Variants in RALGAPA1 observed in about 807,000 individuals in gnomAD.
RALGAPA1 encodes the protein ral GTPase-activating protein subunit alpha-1.
A neutral mutation model predicts 269.6 loss-of-function variants in RALGAPA1; 52 were observed. That is an observed-to-expected ratio of 0.19 (90% CI 0.15 to 0.24). The LOEUF (loss-of-function observed/expected upper bound fraction) is 0.24, where lower values mean the gene tolerates loss of function less well. Among genes scored for constraint, RALGAPA1 ranks in the 10% least tolerant of loss-of-function variants. The pLI is 1.00. For missense variants in RALGAPA1, 1,917 were observed against 3,013.9 expected (o/e 0.64, Z 8.52); for synonymous variants, 817 against 1,008.3 (o/e 0.81, Z 3.60).
chr14:35,651,775 A>G (rs761300866), intron 31 of RALGAPA1, 30 bp downstream of exon 31: 2 of 1,566,140 alleles, frequency 1.3e-6, no homozygotes, highest in African/African-American at 1.4e-5. Context: ...AAATAACCAC[A>G]TACTAATCAT....
intron 16 of RALGAPA1, among the ~76,000 whole-genome samples, chr14:35,710,261 A>G (rs1356421475): frequency 1.3e-5 from 2 of 152,074 alleles, no homozygotes; most frequent in African/African-American, 4.8e-5. Flanking sequence ...TGGAGAATTA[A>G]TCATCTTTTT....
At position 35,723,374 on chromosome 14, in the gene RALGAPA1, C is replaced by T. The variant is rs533862854; in HGVS notation, c.1867-110G>A. On this transcript the variant is annotated intron_variant, in intron 14 of 41. Coordinates refer to ENST00000680220, the MANE Select transcript of RALGAPA1 (RefSeq NM_001346249.2). ...CTTAAAAACAAGCAACATTTAAAAT[C>T]GCATGCTTTTTTTAATAGATAATAC... The T allele has an allele frequency of 2.3e-4, 138 of 596,900 alleles. 2 individuals are homozygous for T. The South Asian group carries it at 3.3e-3, about 14-fold the overall frequency. 37.0% of individuals were successfully genotyped at this position (596,900 alleles called of 1,614,324 possible). A position where few individuals can be genotyped will look rare whatever the true frequency, so the allele number is the denominator to read the frequency against.
intron 35 of RALGAPA1, among the ~76,000 whole-genome samples, chr14:35,619,178 AC>A (rs1389462709): frequency 6.6e-6 from 1 of 152,154 alleles, no homozygotes; most frequent in East Asian, 1.9e-4. Context: ...GACAAATCTA[AC>A]CAGAAGACTG....
intron 13 of RALGAPA1, among the ~76,000 whole-genome samples, chr14:35,727,682 T>C (rs187897720): frequency 2.6e-4 from 40 of 152,174 alleles, no homozygotes; most frequent in African/African-American, 9.4e-4. Flanking sequence ...TAAACAGATA[T>C]TTACACAAGT....
chr14:35,689,970 G>C lies in RALGAPA1; in HGVS notation c.2441C>G (p.Thr814Ser). The part of the protein sequence containing the change: ...IDDAQILPRS[T>S]RVRHFSQSEE... ...ACTTTGTGAAAAATGTCTGACTCTA[G>C]TTGAGCGGGGAAGTATTTGAGCATC... The change falls in exon 18 of 42, where the codon ACT (threonine) becomes AGT (serine). Residue 814 changes from threonine to serine, a missense_variant. Coordinates refer to ENST00000680220, the MANE Select transcript of RALGAPA1 (RefSeq NM_001346249.2). The C allele has an allele frequency of 6.3e-7, 1 of 1,597,532 alleles. No individual in the cohort carries two copies. Among genetic ancestry groups the C allele is most frequent in the Non-Finnish European group, 8.5e-7 (1 of 1,174,596 alleles).
In RALGAPA1 at chr14:35,657,689, A is replaced by AT. The variant is rs34883632; in HGVS notation, c.5387+1448dup. 3.3e-3 allele frequency among the ~76,000 whole-genome samples: 484 copies of AT among 145,288 alleles called. 2 individuals carry two copies. Among genetic ancestry groups the AT allele is most frequent in the South Asian group, 0.025 (115 of 4,608 alleles). ...CTTGAGAAGCAACATATATATATATATTTTTTTTTTTTTTTGGTAAAAAAA... is the reference window on the plus strand; with the variant it reads ...CTTGAGAAGCAACATATATATATATATTTTTTTTTTTTTTTTGGTAAAAAAA... On this transcript the variant is annotated intron_variant, in intron 28 of 41. Coordinates refer to ENST00000680220, the MANE Select transcript of RALGAPA1 (RefSeq NM_001346249.2).
chr14:35,578,333 C>T (rs999338701), intron 37 of RALGAPA1, among the ~76,000 whole-genome samples: 5 of 152,064 alleles, frequency 3.3e-5, no homozygotes, highest in Non-Finnish European at 5.9e-5. Context: ...AATTAGGTTA[C>T]GCAATTACTT....
At chr14:35,608,861 ATACTC>A (rs1308758011) in intron 35 of RALGAPA1, among the ~76,000 whole-genome samples, 1 of 152,146 alleles carries the variant, frequency 6.6e-6, no homozygotes, top group East Asian at 1.9e-4. Flanking sequence ...CATCTACAGA[ATACTC>A]TATCCTACAG....
intron 27 of RALGAPA1, 78 bp downstream of exon 27, chr14:35,664,564 A>C: frequency 8.4e-7 from 1 of 1,188,606 alleles, no homozygotes; most frequent in African/African-American, 1.6e-5. Context: ...AAAGAAAAGA[A>C]AGAATACAAA....
chr14:35,719,881 G>C lies in RALGAPA1; in HGVS notation c.2266+1807C>G, dbSNP rs368371775. Among the ~76,000 whole-genome samples, 8 of 152,072 alleles carry C rather than the reference G, an allele frequency of 5.3e-5. No individual in the cohort carries two copies. The East Asian group carries it at 5.8e-4, about 11-fold the overall frequency. ...TTCTCCTGCCTCAGCCTCCCGAGCA[G>C]CTGGGATTACAGGCACATGCCACCA... On this transcript the variant is annotated intron_variant, in intron 16 of 41. Coordinates refer to ENST00000680220, the MANE Select transcript of RALGAPA1 (RefSeq NM_001346249.2).
chr14:35,697,011 T>C (rs2066954245), intron 17 of RALGAPA1, among the ~76,000 whole-genome samples: 2 of 152,178 alleles, frequency 1.3e-5, no homozygotes, highest in African/African-American at 4.8e-5. Context: ...TTGGTGATTG[T>C]TTTTTAATTT....
chr14:35,561,099 C>T (rs576381125), intron 39 of RALGAPA1, among the ~76,000 whole-genome samples: 1 of 151,738 alleles, frequency 6.6e-6, no homozygotes. Flanking sequence ...TGGTGGCAGG[C>T]ACCTGTAATC....
chr14:35,700,930 A>C (rs563753149), intron 16 of RALGAPA1, among the ~76,000 whole-genome samples: 32 of 152,324 alleles, frequency 2.1e-4, no homozygotes, highest in Non-Finnish European at 4.0e-4. Context: ...AGTATAATTA[A>C]AATTTTTACA....
At chr14:35,678,832 G>A (rs983337651) in intron 21 of RALGAPA1, among the ~76,000 whole-genome samples, 25 of 151,716 alleles carry the variant, frequency 1.6e-4, no homozygotes, top group African/African-American at 4.8e-4. Flanking sequence ...TCCTCTTTTC[G>A]GCCTGGTTAA....
chr14:35,607,636 G>C (rs774157076), intron 35 of RALGAPA1, among the ~76,000 whole-genome samples: 6 of 152,200 alleles, frequency 3.9e-5, no homozygotes, highest in Non-Finnish European at 7.3e-5. Flanking sequence ...AAGCTGGTCC[G>C]TGACCCCAGG....
At chr14:35,547,818 A>C (rs182196032) in intron 41 of RALGAPA1, among the ~76,000 whole-genome samples, 2 of 152,180 alleles carry the variant, frequency 1.3e-5, no homozygotes, top group Admixed American at 6.5e-5. Flanking sequence ...AAAGCGATCT[A>C]AATTTTTTGT....
intron 4 of RALGAPA1, among the ~76,000 whole-genome samples, chr14:35,769,319 G>T (rs2074446677): frequency 6.6e-6 from 1 of 151,836 alleles, no homozygotes; most frequent in South Asian, 2.1e-4. Flanking sequence ...TACAGCTGGA[G>T]GCCATTATTC....
intron 39 of RALGAPA1, among the ~76,000 whole-genome samples, chr14:35,559,752 T>G (rs2055999869): frequency 6.6e-6 from 1 of 152,178 alleles, no homozygotes; most frequent in Middle Eastern, 3.2e-3. Context: ...TGCCATGAAG[T>G]CAATGTATTA....
chr14:35,779,026 A>G (rs942368476), intron 1 of RALGAPA1, among the ~76,000 whole-genome samples: 1 of 152,206 alleles, frequency 6.6e-6, no homozygotes, highest in Admixed American at 6.6e-5. Flanking sequence ...AGGTAACCCT[A>G]GATCTATTCA....
Sources: gnomAD v4.1 joint callset for allele counts (sites outside exome capture counted in the v4.1 genomes callset) on GRCh38, gnomAD v4.1.1 for gene constraint, MANE v1.5 for transcripts, NCBI Gene and HGNC (gene_info 2026-07-23, HGNC 2026-07-21) for gene names.